C5: variants seen among roughly 807,000 people sequenced by gnomAD.
C5 encodes C3 and PZP-like alpha-2-macroglobulin domain-containing protein 4.
C5 carries 140 observed loss-of-function variants against 218.8 expected under a neutral mutation model. That is an observed-to-expected ratio of 0.64 (90% CI 0.56 to 0.74). C5 has a LOEUF of 0.74. C5 is among the 30% of genes least tolerant of loss of function. The probability of loss-of-function intolerance (pLI) is 0.00; values close to 1 mark genes in which losing one functional copy is unlikely to be tolerated. For missense variants in C5, 1,700 were observed against 1,969.6 expected (o/e 0.86, Z 2.59); for synonymous variants, 614 against 682.3 (o/e 0.90, Z 1.56).
chr9:121,041,522 C>T (rs1369776643), intron 3 of C5, among the ~76,000 whole-genome samples: 1 of 151,872 alleles, frequency 6.6e-6, no homozygotes, highest in Non-Finnish European at 1.5e-5. Flanking sequence ...CCAGGCTGGT[C>T]TTAAACTCCT....
chr9:120,988,217 C>A (rs2047049008), intron 25 of C5, among the ~76,000 whole-genome samples: 1 of 152,170 alleles, frequency 6.6e-6, no homozygotes, highest in South Asian at 2.1e-4. Context: ...TACTATGTGC[C>A]AGGTAGGTAC....
chr9:121,067,713 G>C, the C5 span, among the ~76,000 whole-genome samples: 5 of 152,186 alleles, frequency 3.3e-5, no homozygotes, highest in Admixed American at 1.3e-4. Context: ...GATCATGGGG[G>C]CAGTTTCCCC....
Position 120,982,645 on chromosome 9 carries a change from G to A in C5, c.3390+10C>T. 6.3e-7 allele frequency: 1 copy of A among 1,591,452 alleles called. No individual in the cohort carries two copies. ...AAACTATTGCTAATTTGTGCATTTG[G>A]TTTCCTTACCTGTAATTTTATTGGT... On this transcript the variant is annotated intron_variant, in intron 26 of 40. Coordinates refer to ENST00000223642, the MANE Select transcript of C5 (RefSeq NM_001735.3).
At chr9:120,986,706 T>G (rs998279604) in intron 25 of C5, among the ~76,000 whole-genome samples, 1 of 148,616 alleles carries the variant, frequency 6.7e-6, no homozygotes, top group African/African-American at 2.6e-5. Flanking sequence ...CTCCCACTCC[T>G]GCATCCTGGG....
intron 20 of C5, among the ~76,000 whole-genome samples, chr9:120,998,102 CCA>C (rs1264849723): frequency 6.6e-6 from 1 of 152,118 alleles, no homozygotes; most frequent in African/African-American, 2.4e-5. Context: ...TAATCCGTGC[CCA>C]GACTCGAAAT....
At chr9:120,970,432 TA>T (rs2046902485) in intron 31 of C5, among the ~76,000 whole-genome samples, 181 bp from the exon 32 acceptor site, 1 of 152,182 alleles carries the variant, frequency 6.6e-6, no homozygotes, top group Non-Finnish European at 1.5e-5. Context: ...CTCCATAATC[TA>T]AACCTGAGAG....
the C5 span, among the ~76,000 whole-genome samples, chr9:121,060,003 T>C: frequency 1.3e-5 from 2 of 152,222 alleles, no homozygotes; most frequent in African/African-American, 4.8e-5. Context: ...AATTAAGGTG[T>C]GTTGTTATCT....
rs1564163000 is a variant in C5, at chr9:121,037,941, TCTAA to T, written c.428_431del (p.Val143GlufsTer5). ...TCAAGTCGTCATTCAACGAATAAACTCTAACTTTTACTGTAAGAATAATTGATAT... is the reference window on the plus strand; with the variant it reads ...TCAAGTCGTCATTCAACGAATAAACTCTTTTACTGTAAGAATAATTGATAT... On this transcript the variant is annotated frameshift_variant, in exon 4 of 41. Coordinates refer to ENST00000223642, the MANE Select transcript of C5 (RefSeq NM_001735.3). LOFTEE classifies it high-confidence loss of function. 6.7e-7 allele frequency: 1 copy of T among 1,499,202 alleles called. No homozygotes were observed. Among genetic ancestry groups the T allele is most frequent in the Non-Finnish European group, 9.2e-7 (1 of 1,089,706 alleles). The allele number at this position is 1,499,202 out of a possible 1,614,324, so 92.9% of individuals were successfully genotyped here.
At chr9:120,986,169 G>A (rs1365586807) in intron 25 of C5, among the ~76,000 whole-genome samples, 1 of 151,994 alleles carries the variant, frequency 6.6e-6, no homozygotes, top group Non-Finnish European at 1.5e-5. Context: ...CTTGAGTTTG[G>A]CATTTGAGCA....
At chr9:121,069,497 A>G in the C5 span, among the ~76,000 whole-genome samples, 5 of 151,928 alleles carry the variant, frequency 3.3e-5, no homozygotes, top group Non-Finnish European at 7.4e-5. Context: ...CAAACAACAA[A>G]TGCTGGGGAG....
At position 121,037,885 on chromosome 9, in the gene C5, A is replaced by G; in HGVS notation, c.488T>C (p.Phe163Ser). The change falls in exon 4 of 41, where the codon TTC becomes TCC. Residue 163 changes from phenylalanine (F) to serine (S), a missense_variant. Phe to Ser is a radical substitution (Grantham distance 155, BLOSUM62 -2). Transcript: ENST00000223642. Reference protein sequence around the residue: ...KPAKRETVLTFIDPEGSEVDM... With the variant: ...KPAKRETVLTSIDPEGSEVDM... Reference sequence around the variant, plus strand: ...TTAAATAAATAAAATACTTACTATGAAAGTTAAGACAGTTTCTCTTTTGGC... The same window carrying G: ...TTAAATAAATAAAATACTTACTATGGAAGTTAAGACAGTTTCTCTTTTGGC... 1 of 1,439,982 alleles carries G rather than the reference A, an allele frequency of 6.9e-7. No homozygotes were observed. The highest frequency in any genetic ancestry group is 9.6e-7 in the Non-Finnish European group (1 of 1,041,120). The allele number at this position is 1,439,982 out of a possible 1,614,324, so 89.2% of individuals were successfully genotyped here.
intron 7 of C5, among the ~76,000 whole-genome samples, chr9:121,029,455 C>G (rs1396174195): frequency 6.6e-6 from 1 of 152,198 alleles, no homozygotes; most frequent in Non-Finnish European, 1.5e-5. Flanking sequence ...GTAACAATAT[C>G]AACGCATAGA....
chr9:121,071,658 C>G, the C5 span, among the ~76,000 whole-genome samples: 1 of 152,144 alleles, frequency 6.6e-6, no homozygotes, highest in Non-Finnish European at 1.5e-5. Flanking sequence ...GCACTGAAAC[C>G]TGGGTGACAG....
intron 17 of C5, among the ~76,000 whole-genome samples, chr9:121,013,318 GA>G (rs138938912): frequency 0.15 from 14,965 of 99,000 alleles, 897 homozygotes; most frequent in Middle Eastern, 0.26. Context: ...GATTCCTACT[GA>G]AAAAAAAAAA....
At chr9:120,953,604 T>C in intron 40 of C5, 126 bp downstream of exon 40, 1 of 979,688 alleles carries the variant, frequency 1.0e-6, no homozygotes. Context: ...TTGACATTAA[T>C]ATTATTTAGT....
intron 25 of C5, among the ~76,000 whole-genome samples, chr9:120,986,506 T>G (rs1202935071): frequency 6.6e-6 from 1 of 151,882 alleles, no homozygotes; most frequent in Admixed American, 6.6e-5. Flanking sequence ...GCTGGACATT[T>G]TCTTCTATGT....
chr9:120,962,392 CT>C (rs1185225150), intron 36 of C5, among the ~76,000 whole-genome samples: 1 of 152,054 alleles, frequency 6.6e-6, no homozygotes, highest in African/African-American at 2.4e-5. Context: ...ATAGATAAAC[CT>C]GAGGCAAAGA....
intron 4 of C5, among the ~76,000 whole-genome samples, chr9:121,035,603 T>C (rs2047517539): frequency 6.6e-6 from 1 of 152,124 alleles, no homozygotes; most frequent in African/African-American, 2.4e-5. Context: ...GGGATCTTGC[T>C]CTGTGATCCA....
chr9:121,052,031 T>G (rs1564168477), upstream of C5, among the ~76,000 whole-genome samples: 1 of 152,200 alleles, frequency 6.6e-6, no homozygotes, highest in Non-Finnish European at 1.5e-5. Context: ...CATTGTCCTG[T>G]TTCTCTGGTA....
Sources: allele counts gnomAD v4.1 joint callset (sites outside exome capture counted in the v4.1 genomes callset), GRCh38; gene constraint gnomAD v4.1.1; transcripts MANE v1.5; gene names NCBI Gene and HGNC (gene_info 2026-07-23, HGNC 2026-07-21).